The following GTF2IRD1 variants were observed in gnomAD, a reference collection of about 807,000 sequenced individuals.
The protein encoded by GTF2IRD1 is general transcription factor II-I repeat domain-containing protein 1.
In GTF2IRD1, 26 loss-of-function variants were observed where a neutral mutation model predicts 113.2. The ratio of observed to expected loss-of-function variants is 0.23; its 90% confidence interval spans 0.17 to 0.32. GTF2IRD1 has a LOEUF of 0.32. Among genes scored for constraint, GTF2IRD1 ranks in the 10% least tolerant of loss-of-function variants. The pLI is 1.00. For synonymous variants in GTF2IRD1, 484 were observed against 529.1 expected (o/e 0.91, Z 1.17); for missense variants, 864 against 1,280.8 (o/e 0.67, Z 4.97).
At chr7:74,483,760 C>G (rs1460495170) in intron 1 of GTF2IRD1, among the ~76,000 whole-genome samples, 4 of 152,004 alleles carry the variant, frequency 2.6e-5, no homozygotes, top group African/African-American at 4.8e-5. Context: ...GAGGCTGAGG[C>G]CGGCAGATGG....
chr7:74,601,523 A>C, intron 26 of GTF2IRD1: 1 of 1,403,344 alleles, frequency 7.1e-7, no homozygotes, highest in Non-Finnish European at 9.3e-7. Flanking sequence ...CTGTAATCCC[A>C]GCACTTTGGC....
At chr7:74,577,293 C>G (rs1801132743) in intron 22 of GTF2IRD1, among the ~76,000 whole-genome samples, 1 of 152,216 alleles carries the variant, frequency 6.6e-6, no homozygotes, top group South Asian at 2.1e-4. Context: ...CCCGCCTCAG[C>G]CTCCCAAAGT....
chr7:74,506,732 G>A (rs1206017122), intron 1 of GTF2IRD1: 4 of 152,372 alleles, frequency 2.6e-5, no homozygotes, highest in South Asian at 4.1e-4. Context: ...AGAGGGGCAG[G>A]GTAGAACCAG....
chr7:74,550,303 A>G (rs1217898253), intron 17 of GTF2IRD1, among the ~76,000 whole-genome samples: 3 of 152,170 alleles, frequency 2.0e-5, no homozygotes, highest in African/African-American at 7.2e-5. Flanking sequence ...TTCACAAGAG[A>G]ATATGTGTAA....
intron 1 of GTF2IRD1, among the ~76,000 whole-genome samples, chr7:74,496,092 A>G (rs564549845): frequency 2.1e-3 from 325 of 151,468 alleles, no homozygotes; most frequent in Admixed American, 4.1e-3. Context: ...GTTTGCATGC[A>G]TGTGTGTGCA....
chr7:74,590,844 C>A lies in GTF2IRD1; in HGVS notation c.2418C>A (p.Asn806Lys). Reference protein sequence around the residue: ...NEKYGEALGLNRPVLVPYKLI... With the variant: ...NEKYGEALGLKRPVLVPYKLI... ...CTCTAGGTGAGGCCCTGGGCCTGAA[C>A]CGGCCGGTGCTGGTCCCTTATAAAC... The change falls in exon 24 of 27, where the codon AAC (asparagine) becomes AAA (lysine). Residue 806 changes from asparagine (N) to lysine (K), a missense_variant. This residue lies in a region of GTF2IRD1 where 195 missense variants were observed against 359.1 expected (regional missense o/e 0.54). Coordinates refer to ENST00000424337, the MANE Select transcript of GTF2IRD1 (RefSeq NM_005685.4). The A allele has an allele frequency of 6.2e-7, 1 of 1,605,442 alleles. No individual in the cohort carries two copies.
rs948332998 is a variant in GTF2IRD1 at position 74,490,545 on chromosome 7, C to A, written c.-6-17530C>A. ...GAGGCTGCTGGGGAGAAAGGATACC[C>A]CCCCCCCCGCCCGCCTTCCAGAAGG... On this transcript the variant is annotated intron_variant, in intron 1 of 26. Transcript: ENST00000424337. Among the ~76,000 whole-genome samples the A allele has an allele frequency of 2.2e-4, 32 of 146,106 alleles. 1 individual carries two copies. Among genetic ancestry groups the A allele is most frequent in the South Asian group, 1.3e-3 (6 of 4,680 alleles).
intron 5 of GTF2IRD1, 65 bp from the exon 6 acceptor site, chr7:74,519,344 G>A: frequency 1.7e-6 from 2 of 1,197,618 alleles, no homozygotes; most frequent in Non-Finnish European, 2.3e-6. Context: ...GGGGTTTTCG[G>A]GGGAAGAGCT....
intron 2 of GTF2IRD1, among the ~76,000 whole-genome samples, chr7:74,509,547 T>A (rs968040229): frequency 6.6e-6 from 1 of 152,096 alleles, no homozygotes; most frequent in African/African-American, 2.4e-5. Flanking sequence ...AAAATTTTTT[T>A]AAATAAAAAT....
At chr7:74,484,990 C>G (rs1447548967) in intron 1 of GTF2IRD1, among the ~76,000 whole-genome samples, 3 of 152,110 alleles carry the variant, frequency 2.0e-5, no homozygotes, top group Non-Finnish European at 2.9e-5. Context: ...CTCTTTCAAC[C>G]CCTTATCCAA....
chr7:74,521,085 G>T (rs1584588894), intron 6 of GTF2IRD1, 123 bp from the exon 7 acceptor site: 2 of 619,332 alleles, frequency 3.2e-6, no homozygotes, highest in East Asian at 5.5e-5. Context: ...ACAGGAATCA[G>T]TTATTGGATG....
intron 1 of GTF2IRD1, among the ~76,000 whole-genome samples, chr7:74,493,110 C>CTTT (rs60137731): frequency 2.2e-5 from 3 of 134,274 alleles, no homozygotes; most frequent in Non-Finnish European, 3.2e-5. Context: ...TCTTCTTCTT[C>CTTT]TTTTTTTTTT....
chr7:74,468,156 G>C (rs1321813220), intron 1 of GTF2IRD1, among the ~76,000 whole-genome samples: 1 of 152,096 alleles, frequency 6.6e-6, no homozygotes, highest in Non-Finnish European at 1.5e-5. Flanking sequence ...ATTTAGGGCT[G>C]CATTTGGCTA....
intron 22 of GTF2IRD1, among the ~76,000 whole-genome samples, chr7:74,568,403 C>T (rs192177819): frequency 3.4e-4 from 51 of 150,672 alleles, no homozygotes; most frequent in African/African-American, 1.2e-3. Context: ...AATCCCAGCA[C>T]TTTGGGAGGC....
chr7:74,576,899 G>A (rs146647455), intron 22 of GTF2IRD1, among the ~76,000 whole-genome samples: 15,458 of 152,024 alleles, frequency 0.1, 809 homozygotes, highest in Middle Eastern at 0.12. Flanking sequence ...GGGATTACAG[G>A]TGTGAGCCAC....
At chr7:74,486,221 C>T (rs1176097255) in intron 1 of GTF2IRD1, among the ~76,000 whole-genome samples, 1 of 152,144 alleles carries the variant, frequency 6.6e-6, no homozygotes. Flanking sequence ...TCCGCCCACA[C>T]CGCCGTGGAG....
At chr7:74,468,477 G>C (rs1033115893) in intron 1 of GTF2IRD1, among the ~76,000 whole-genome samples, 1 of 151,688 alleles carries the variant, frequency 6.6e-6, no homozygotes, top group African/African-American at 2.4e-5. Context: ...GGCCAACATG[G>C]TGAAACCCCA....
chr7:74,569,385 A>T (rs1554361884), intron 22 of GTF2IRD1, among the ~76,000 whole-genome samples: 1 of 152,182 alleles, frequency 6.6e-6, no homozygotes, highest in East Asian at 1.9e-4. Context: ...GACAAAAATC[A>T]GGTAGTTAGC....
rs1798288559 is a variant in GTF2IRD1 at position 74,536,232 on chromosome 7, G to A, written c.1366G>A (p.Glu456Lys). 1 of 1,613,356 alleles carries A rather than the reference G, an allele frequency of 6.2e-7. No individual in the cohort carries two copies. The highest frequency in any genetic ancestry group is 1.7e-5 in the Admixed American group (1 of 59,990). Reference sequence around the variant, plus strand: ...CAGCCCGCCAGAGGACACCTCTGCAGAGGTCTCTAGGGCCACCGTCCTTGA... The same window carrying A: ...CAGCCCGCCAGAGGACACCTCTGCAAAGGTCTCTAGGGCCACCGTCCTTGA... ...PASPPEDTSAEVSRATVLDLA... is the reference protein window; with the variant it reads ...PASPPEDTSAKVSRATVLDLA... The change falls in exon 11 of 27, where the codon GAG (glutamate) becomes AAG (lysine). Residue 456 changes from glutamate (E) to lysine (K), a missense_variant. Glu to Lys is a moderately conservative substitution (Grantham distance 56). Around this residue, in one of 7 missense-constraint regions of GTF2IRD1, gnomAD observed 218 missense variants for 352.6 expected, o/e 0.62. Coordinates refer to ENST00000424337, the MANE Select transcript of GTF2IRD1 (RefSeq NM_005685.4).
Sources: gnomAD v4.1 joint callset for allele counts (sites outside exome capture counted in the v4.1 genomes callset) on GRCh38, gnomAD v4.1.1 for gene constraint, gnomAD v4.1.1 regional missense constraint, MANE v1.5 for transcripts, NCBI Gene and HGNC (gene_info 2026-07-23, HGNC 2026-07-21) for gene names.